Variants in DNAAF4 observed in about 807,000 individuals in gnomAD.
DNAAF4 encodes the protein dynein axonemal assembly factor 4.
Under a neutral mutation model 51.8 loss-of-function variants are expected in DNAAF4, and 43 were observed. That is an observed-to-expected ratio of 0.83 (90% confidence interval 0.65 to 1.07). The LOEUF (loss-of-function observed/expected upper bound fraction) is 1.07, where lower values mean the gene tolerates loss of function less well. DNAAF4 is among the 50% of genes least tolerant of loss of function. DNAAF4 has a pLI of 0.00. For synonymous variants in DNAAF4, 194 were observed against 165.6 expected (o/e 1.17, Z -1.32); for missense variants, 581 against 493.0 (o/e 1.18, Z -1.69).
At chr15:55,490,106 T>G (rs1031324141) in intron 4 of DNAAF4, among the ~76,000 whole-genome samples, 3 of 152,000 alleles carry the variant, frequency 2.0e-5, no homozygotes, top group Non-Finnish European at 4.4e-5. Flanking sequence ...ACTACTGACC[T>G]CATGATCCGC....
intron 7 of DNAAF4, among the ~76,000 whole-genome samples, chr15:55,419,123 A>G (rs2057365824): frequency 6.6e-6 from 1 of 152,076 alleles, no homozygotes; most frequent in Non-Finnish European, 1.5e-5. Flanking sequence ...TCACCCTGTT[A>G]GCTAGGATGG....
At chr15:55,436,678 CCCAG>C (rs1168637011) in intron 7 of DNAAF4, among the ~76,000 whole-genome samples, 1 of 152,104 alleles carries the variant, frequency 6.6e-6, no homozygotes, top group Admixed American at 6.6e-5. Flanking sequence ...AGCCACCGTG[CCCAG>C]CCAATTTTTA....
intron 8 of DNAAF4, among the ~76,000 whole-genome samples, 173 bp from the exon 9 acceptor site, chr15:55,432,775 G>A (rs774492372): frequency 3.3e-5 from 5 of 149,990 alleles, no homozygotes; most frequent in Non-Finnish European, 5.9e-5. Context: ...GCGAAACCCC[G>A]TCTCTACTAA....
chr15:55,437,486 G>C (rs1223610469), intron 7 of DNAAF4, among the ~76,000 whole-genome samples: 2 of 151,998 alleles, frequency 1.3e-5, no homozygotes, highest in African/African-American at 4.8e-5. Context: ...TAGATATTGT[G>C]GTAGACAGAT....
intron 5 of DNAAF4, among the ~76,000 whole-genome samples, chr15:55,458,591 A>C (rs2058052340): frequency 1.3e-5 from 2 of 152,216 alleles, no homozygotes. Context: ...GGAAGAAGGG[A>C]AATCTAAAAG....
chr15:55,466,759 C>T (rs1170183653), intron 5 of DNAAF4, among the ~76,000 whole-genome samples, 171 bp downstream of exon 5: 1 of 152,128 alleles, frequency 6.6e-6, no homozygotes, highest in Non-Finnish European at 1.5e-5. Flanking sequence ...TAGAAAACTT[C>T]ATTATCCCCG....
intron 6 of DNAAF4, chr15:55,443,343 G>T: frequency 1.1e-6 from 1 of 895,188 alleles, no homozygotes; most frequent in Non-Finnish European, 1.7e-6. Context: ...GGCGCCTGGC[G>T]CAGCTCCTCA....
chr15:55,464,659 T>C lies in DNAAF4; in HGVS notation c.637+2271A>G, dbSNP rs144511077. 4.6e-3 allele frequency among the ~76,000 whole-genome samples: 698 copies of C among 152,170 alleles called. 5 individuals are homozygous for C. Among genetic ancestry groups the C allele is most frequent in the African/African-American group, 0.016 (650 of 41,520 alleles). ...GTGGGCTAAGGACATGAATAGACAA[T>C]TCTCAAAAGAAGATATACAAATGTC... On this transcript the variant is annotated intron_variant, in intron 5 of 9. Coordinates refer to ENST00000321149, the MANE Select transcript of DNAAF4 (RefSeq NM_130810.4).
chr15:55,466,935 G>A lies in DNAAF4; in HGVS notation c.632C>T (p.Pro211Leu). Reference protein sequence around the residue: ...TRNLASRNLAPKGRNSENIFT... With the variant: ...TRNLASRNLALKGRNSENIFT... ...GAAATTCTTAATCATTTTACCTTTT[G>A]GAGCAAGATTTCTAGATGCCAAATT... The change falls in exon 5 of 10, where the codon CCA (proline) becomes CTA (leucine). Residue 211 changes from proline to leucine, a missense_variant. Coordinates refer to ENST00000321149, the MANE Select transcript of DNAAF4 (RefSeq NM_130810.4). 13 of 1,583,354 alleles carry A rather than the reference G, an allele frequency of 8.2e-6. No individual in the cohort carries two copies. The highest frequency in any genetic ancestry group is 1.1e-5 in the Non-Finnish European group (13 of 1,172,940).
At chr15:55,418,081 C>T in exon 8 of DNAAF4, 1 of 1,563,626 alleles carries the variant, frequency 6.4e-7, no homozygotes. Context: ...GATATGATGG[C>T]TTAGCTTGGG....
intron 3 of DNAAF4, among the ~76,000 whole-genome samples, chr15:55,491,890 G>C (rs1448137603): frequency 6.7e-6 from 1 of 149,894 alleles, no homozygotes; most frequent in Non-Finnish European, 1.5e-5. Flanking sequence ...GTCTCTCTCT[G>C]TCACCCAGGC....
At chr15:55,476,997 C>G (rs759130879) in intron 4 of DNAAF4, among the ~76,000 whole-genome samples, 11 of 152,104 alleles carry the variant, frequency 7.2e-5, no homozygotes, top group Non-Finnish European at 1.3e-4. Context: ...ATGGTGAAAC[C>G]CCGTCTCTAC....
At chr15:55,437,447 C>A (rs181292757) in intron 7 of DNAAF4, among the ~76,000 whole-genome samples, 12 of 151,778 alleles carry the variant, frequency 7.9e-5, no homozygotes, top group African/African-American at 2.9e-4. Context: ...GAGAAAAGAC[C>A]AAGAAAAAGT....
chr15:55,498,436 C>A lies in DNAAF4; in HGVS notation c.-107G>T, dbSNP rs906290761. 326 of 1,477,296 alleles carry A rather than the reference C, an allele frequency of 2.2e-4. No homozygotes were observed. In the East Asian group the frequency reaches 3.1e-3, roughly 14 times the overall value. 91.5% of individuals were successfully genotyped at this position (1,477,296 alleles called of 1,614,324 possible). Reference sequence around the variant, plus strand: ...GCCAGCCCTTCCGGGTCAGGCCGGCCGGGAGCCCGGCGTTCCCAGCGTGCT... The same window carrying A: ...GCCAGCCCTTCCGGGTCAGGCCGGCAGGGAGCCCGGCGTTCCCAGCGTGCT... On this transcript the variant is annotated 5_prime_UTR_variant, in exon 2 of 10. Coordinates refer to ENST00000321149, the MANE Select transcript of DNAAF4 (RefSeq NM_130810.4).
chr15:55,491,260 A>C lies in DNAAF4; in HGVS notation c.272-4T>G, dbSNP rs750838322. 3 of 1,610,762 alleles carry C rather than the reference A, an allele frequency of 1.9e-6. No individual in the cohort carries two copies. The highest frequency in any genetic ancestry group is 1.7e-6 in the Non-Finnish European group (2 of 1,178,836). ...CTTTGCATCATCTCTTTGTCAACTAAAATGTACAGAATATTGCTAAATTAG... is the reference window on the plus strand; with the variant it reads ...CTTTGCATCATCTCTTTGTCAACTACAATGTACAGAATATTGCTAAATTAG... On this transcript the variant is annotated splice_polypyrimidine_tract_variant and splice_region_variant and intron_variant, in intron 3 of 9. Transcript: ENST00000321149.
At chr15:55,429,337 T>C (rs2057463417), downstream of DNAAF4, among the ~76,000 whole-genome samples, 2 of 150,368 alleles carry the variant, frequency 1.3e-5, no homozygotes, top group East Asian at 2.0e-4. Context: ...CTGGCCAACA[T>C]GATGAAACCC....
At chr15:55,466,709 C>A (rs1296659553) in intron 5 of DNAAF4, among the ~76,000 whole-genome samples, 1 of 152,204 alleles carries the variant, frequency 6.6e-6, no homozygotes, top group Non-Finnish European at 1.5e-5. Flanking sequence ...AGAAGACACT[C>A]TTCTTTTCGA....
intron 6 of DNAAF4, among the ~76,000 whole-genome samples, chr15:55,448,583 C>T (rs1595906660): frequency 1.4e-5 from 2 of 143,626 alleles, no homozygotes; most frequent in Non-Finnish European, 3.0e-5. Context: ...AAAAATAATT[C>T]TATGGGCCGG....
chr15:55,445,648 C>T (rs1485653358), intron 6 of DNAAF4, among the ~76,000 whole-genome samples: 1 of 151,216 alleles, frequency 6.6e-6, no homozygotes, highest in Non-Finnish European at 1.5e-5. Context: ...GCACTCCTCA[C>T]CTCCCAGACG....
Sources: allele counts gnomAD v4.1 joint callset (sites outside exome capture counted in the v4.1 genomes callset), GRCh38; gene constraint gnomAD v4.1.1; transcripts MANE v1.5; gene names NCBI Gene and HGNC (gene_info 2026-07-23, HGNC 2026-07-21).